DCTN3: variants seen among roughly 807,000 people sequenced by gnomAD.
DCTN3 encodes dynactin subunit 3, also known as dynactin 3 (p22).
Under a neutral mutation model 28.4 loss-of-function variants are expected in DCTN3, and 25 were observed. The observed-to-expected ratio is 0.88, with a 90% CI of 0.64 to 1.23. DCTN3 has a LOEUF of 1.23. Among genes scored for constraint, DCTN3 ranks in the 50% most tolerant of loss-of-function variants. The pLI is 0.00. For missense variants in DCTN3, 229 were observed against 232.0 expected, an observed-to-expected ratio of 0.99 and a Z score of 0.08; for synonymous variants, 81 against 91.4, an observed-to-expected ratio of 0.89 and a Z score of 0.65.
rs770267296 is a variant in DCTN3 at position 34,618,665 on chromosome 9, G to A, written c.181+11C>T. On this transcript the variant is annotated intron_variant, in intron 2 of 6. Transcript: ENST00000259632. Reference sequence around the variant, plus strand: ...ATGTCGGGCAGGCAGGCACATCATGGAAGCACTTACTCTTTTTGTAGAGAA... The same window carrying A: ...ATGTCGGGCAGGCAGGCACATCATGAAAGCACTTACTCTTTTTGTAGAGAA... 6.7e-5 allele frequency: 108 copies of A among 1,611,544 alleles called. No homozygotes were observed. Among genetic ancestry groups the A allele is most frequent in the Non-Finnish European group, 8.7e-5 (103 of 1,177,778 alleles).
chr9:34,615,835 C>T (rs13285145), intron 4 of DCTN3, 195 bp downstream of exon 4: 54 of 422,416 alleles, frequency 1.3e-4, no homozygotes, highest in Non-Finnish European at 1.9e-4. Flanking sequence ...CAGGAGGCAG[C>T]GGTTGCAGTG....
chr9:34,618,104 G>A, intron 2 of DCTN3, 133 bp from the exon 3 acceptor site: 1 of 807,208 alleles, frequency 1.2e-6, no homozygotes, highest in Non-Finnish European at 1.9e-6. Flanking sequence ...TGCCACATGA[G>A]CAGGGCTCCA....
rs567803883 is a variant in DCTN3 at position 34,614,193 on chromosome 9, T to G, written c.412-92A>C. The G allele has an allele frequency of 3.1e-6, 5 of 1,608,310 alleles. No homozygotes were observed. The African/African-American group carries it at 6.7e-5, about 22-fold the overall frequency. ...CCTCATCACGGACTCCCACTCCCCA[T>G]GGAGCCTAAAAAAGATGACGCTTAA... On this transcript the variant is annotated intron_variant, in intron 5 of 6. Coordinates refer to ENST00000259632, the MANE Select transcript of DCTN3 (RefSeq NM_007234.5).
At chr9:34,617,858 G>A (rs761694265) in intron 3 of DCTN3, 27 bp downstream of exon 3, 17 of 1,613,168 alleles carry the variant, frequency 1.1e-5, no homozygotes, top group Admixed American at 1.7e-5. Context: ...ATCCTCAGAT[G>A]CATGTACACA....
Position 34,620,456 on chromosome 9 carries a change from A to C in DCTN3, c.9T>G (p.Gly3=), listed in dbSNP as rs1587211163. 1 of 1,550,840 alleles carries C rather than the reference A, an allele frequency of 6.4e-7. No individual in the cohort carries two copies. ...CCTGTAGCCGCTGCAAGTCAGTCAG[A>C]CCCGCCATCGCTACTACCGACCCAC... The part of the protein sequence containing the change: MA[G]LTDLQRLQAR... The change falls in exon 1 of 7, where the codon GGT becomes GGG. Residue 3 remains glycine (G), a synonymous_variant. Coordinates refer to ENST00000259632, the MANE Select transcript of DCTN3 (RefSeq NM_007234.5).
chr9:34,614,778 A>G lies in DCTN3; in HGVS notation c.353-10T>C. The stretch of plus-strand genomic sequence containing the variant: ...GCATGCTCAGGAACGGCTGTAAAAC[A>G]CAACACACACTGCTGGATGATGCTT... On this transcript the variant is annotated splice_polypyrimidine_tract_variant and intron_variant, in intron 4 of 6. Coordinates refer to ENST00000259632, the MANE Select transcript of DCTN3 (RefSeq NM_007234.5). 1 of 1,613,988 alleles carries G rather than the reference A, an allele frequency of 6.2e-7. No individual in the cohort carries two copies. The highest frequency in any genetic ancestry group is 1.3e-5 in the African/African-American group (1 of 75,070).
intron 5 of DCTN3, 80 bp downstream of exon 5, chr9:34,614,630 C>T: frequency 6.5e-7 from 1 of 1,533,270 alleles, no homozygotes; most frequent in Admixed American, 1.7e-5. Context: ...AGGCCTGAAG[C>T]TGCTTCCCCA....
chr9:34,614,475 C>T (rs754101825), intron 5 of DCTN3: 7 of 622,094 alleles, frequency 1.1e-5, no homozygotes, highest in Non-Finnish European at 1.9e-5. Context: ...GGGTACCTCC[C>T]AGCCTCAACC....
At position 34,613,851 on chromosome 9, in the gene DCTN3, T is replaced by G. The variant is rs751688962; in HGVS notation, c.492A>C (p.Gln164His). 3.1e-6 allele frequency: 5 copies of G among 1,614,116 alleles called. No individual in the cohort carries two copies. The highest frequency in any genetic ancestry group is 3.4e-6 in the Non-Finnish European group (4 of 1,179,998). The change falls in exon 7 of 7, where the codon CAA becomes CAC. Residue 164 changes from glutamine to histidine, a missense_variant. Gln to His is a conservative substitution (Grantham distance 24, BLOSUM62 0). Coordinates refer to ENST00000259632, the MANE Select transcript of DCTN3 (RefSeq NM_007234.5). ...YNKTTMLLSK[Q>H]FVQWDELLCQ... ...AAAGTAGCTCATCCCACTGCACGAA[T>G]TGCTTGGAGAGAAGCATTGTCTGGT... is the stretch of plus-strand genomic sequence containing the variant.
chr9:34,620,428 G>A lies in DCTN3; in HGVS notation c.37C>T (p.Arg13Ter). 2 of 1,561,056 alleles carry A rather than the reference G, an allele frequency of 1.3e-6. No individual in the cohort carries two copies. Among genetic ancestry groups the A allele is most frequent in the South Asian group, 1.2e-5 (1 of 85,368 alleles). Residue 13 changes from arginine to a stop codon, truncating the protein, a stop_gained, in exon 1 of 7, where the codon CGA becomes TGA. Coordinates refer to ENST00000259632, the MANE Select transcript of DCTN3 (RefSeq NM_007234.5). LOFTEE classifies it high-confidence loss of function. ...GLTDLQRLQA[R>*]VEELERWVYG... ...ACCCAGCGCTCCAGCTCTTCCACTC[G>A]GGCCTGTAGCCGCTGCAAGTCAGTC... is the stretch of plus-strand genomic sequence containing the variant.
At chr9:34,618,101 T>A in intron 2 of DCTN3, 130 bp from the exon 3 acceptor site, 3 of 821,848 alleles carry the variant, frequency 3.7e-6, no homozygotes, top group Non-Finnish European at 1.9e-6. Context: ...CAGTGCCACA[T>A]GAGCAGGGCT....
chr9:34,614,608 G>C (rs1285070109), intron 5 of DCTN3, 102 bp downstream of exon 5: 4 of 1,367,874 alleles, frequency 2.9e-6, no homozygotes, highest in Non-Finnish European at 3.1e-6. Flanking sequence ...TTCTGCTGAG[G>C]TTACAACAGA....
At chr9:34,620,296 G>C in intron 1 of DCTN3, 73 bp downstream of exon 1, 1 of 1,323,144 alleles carries the variant, frequency 7.6e-7, no homozygotes, top group Admixed American at 1.8e-5. Flanking sequence ...TGGAGCGGTT[G>C]CATCCCGAGG....
In DCTN3 at chr9:34,620,477, C is replaced by A. The variant is rs1820534265; in HGVS notation, c.-13G>T. On this transcript the variant is annotated 5_prime_UTR_variant, in exon 1 of 7. Transcript: ENST00000259632. The stretch of plus-strand genomic sequence containing the variant: ...TCAGACCCGCCATCGCTACTACCGA[C>A]CCACCTCGGCCAGGAAACAGCCAGA... The A allele has an allele frequency of 6.5e-7, 1 of 1,547,920 alleles. No homozygotes were observed. Among genetic ancestry groups the A allele is most frequent in the Non-Finnish European group, 8.7e-7 (1 of 1,146,742 alleles).
intron 1 of DCTN3, 48 bp downstream of exon 1, chr9:34,620,321 C>G: frequency 6.4e-7 from 1 of 1,557,282 alleles, no homozygotes; most frequent in Non-Finnish European, 8.8e-7. Context: ...GGACAGTGGA[C>G]CGCTCTTGCT....
Position 34,616,681 on chromosome 9 carries a change from A to T in DCTN3, c.269-568T>A, listed in dbSNP as rs1043759762. 1.3e-5 allele frequency: 2 copies of T among 152,494 alleles called. No individual in the cohort carries two copies. Among genetic ancestry groups the T allele is most frequent in the Admixed American group, 1.3e-4 (2 of 15,296 alleles). The allele number at this position is 152,494 out of a possible 1,614,324, so 9.4% of individuals were successfully genotyped here. ...ATAGAGTGGGAAGGGTATTCAAGAG[A>T]GAGGACTGTTACGTGCAAATGCTTA... On this transcript the variant is annotated intron_variant, in intron 3 of 6. Transcript: ENST00000259632. The surrounding 1 kb of genome is among the most constrained non-coding windows in gnomAD (Gnocchi z 4.7).
At chr9:34,618,558 A>C in intron 2 of DCTN3, 118 bp downstream of exon 2, 1 of 778,044 alleles carries the variant, frequency 1.3e-6, no homozygotes, top group Non-Finnish European at 2.3e-6. Flanking sequence ...TGTCCTCATA[A>C]TCTTTCTATC....
intron 3 of DCTN3, among the ~76,000 whole-genome samples, chr9:34,617,164 A>G (rs545065508): frequency 7.2e-5 from 11 of 152,242 alleles, no homozygotes; most frequent in African/African-American, 2.6e-4. Context: ...GGAGTGGCCC[A>G]TCCTTACCCA....
chr9:34,614,984 G>A (rs781020572), intron 4 of DCTN3: 10 of 577,478 alleles, frequency 1.7e-5, no homozygotes, highest in Non-Finnish European at 2.7e-5. Context: ...TACATGTCCC[G>A]AGGAGAAGAC....
Sources: gnomAD v4.1 joint callset for allele counts (sites outside exome capture counted in the v4.1 genomes callset) on GRCh38, gnomAD v4.1.1 for gene constraint, Gnocchi (gnomAD v3.1) non-coding constraint, MANE v1.5 for transcripts, NCBI Gene and HGNC (gene_info 2026-07-23, HGNC 2026-07-21) for gene names.